The following WDR7 variants were observed in gnomAD, a reference collection of about 807,000 sequenced individuals.
The protein encoded by WDR7 is WD repeat-containing protein 7.
Under a neutral mutation model 169.4 loss-of-function variants are expected in WDR7, and 46 were observed. The observed-to-expected ratio is 0.27, with a 90% CI of 0.21 to 0.35. The LOEUF (loss-of-function observed/expected upper bound fraction) is 0.35. Among genes scored for constraint, WDR7 ranks in the 10% least tolerant of loss-of-function variants. WDR7 has a pLI of 1.00. For synonymous variants in WDR7, 612 were observed against 666.8 expected (o/e 0.92, Z 1.27); for missense variants, 1,534 against 1,859.3 (o/e 0.83, Z 3.22).
chr18:56,938,827 G>GTA, intron 24 of WDR7, 145 bp downstream of exon 24: 3 of 910,494 alleles, frequency 3.3e-6, no homozygotes, highest in Non-Finnish European at 4.8e-6. Flanking sequence ...GTGTGTGTGT[G>GTA]TGTGTGTGTG....
intron 14 of WDR7, among the ~76,000 whole-genome samples, chr18:56,756,089 G>C (rs1255200921): frequency 1.3e-5 from 2 of 152,142 alleles, no homozygotes; most frequent in African/African-American, 2.4e-5. Flanking sequence ...GATCTAAGTA[G>C]ACTGTAATAT....
At chr18:56,837,876 T>G (rs983563288) in intron 20 of WDR7, among the ~76,000 whole-genome samples, 2 of 152,174 alleles carry the variant, frequency 1.3e-5, no homozygotes, top group Non-Finnish European at 2.9e-5. Flanking sequence ...GCCAGGCTGG[T>G]CTTGAACTTC....
intron 21 of WDR7, among the ~76,000 whole-genome samples, chr18:56,915,795 G>A (rs891826545): frequency 2.6e-5 from 4 of 152,146 alleles, no homozygotes; most frequent in South Asian, 2.1e-4. Context: ...GGTTTGACTC[G>A]TTTTAATTTC....
intron 22 of WDR7, among the ~76,000 whole-genome samples, chr18:56,934,117 A>G (rs933458228): frequency 1.3e-5 from 2 of 152,158 alleles, no homozygotes; most frequent in African/African-American, 4.8e-5. Context: ...CTATTCATCC[A>G]CATTGATGGA....
intron 20 of WDR7, among the ~76,000 whole-genome samples, chr18:56,874,411 T>C (rs2045995366): frequency 6.6e-6 from 1 of 152,152 alleles, no homozygotes; most frequent in Admixed American, 6.5e-5. Context: ...ATTTCCTCTC[T>C]GTCTTTAAAA....
At chr18:56,896,873 G>C (rs879787676) in intron 21 of WDR7, among the ~76,000 whole-genome samples, 1 of 151,656 alleles carries the variant, frequency 6.6e-6, no homozygotes, top group Admixed American at 6.6e-5. Context: ...ATACTTGAAA[G>C]AAAGTGAAAA....
chr18:56,873,841 G>C (rs2045985598), intron 20 of WDR7: 1 of 152,184 alleles, frequency 6.6e-6, no homozygotes, highest in South Asian at 2.1e-4. Flanking sequence ...GTCACACCAG[G>C]CTCTCTGTCT....
intron 20 of WDR7, among the ~76,000 whole-genome samples, chr18:56,829,131 A>G (rs1166408068): frequency 6.6e-6 from 1 of 151,678 alleles, no homozygotes; most frequent in Non-Finnish European, 1.5e-5. Context: ...AAAAAAAAAA[A>G]AAAAAAATTT....
chr18:56,927,891 C>T (rs76863621), intron 22 of WDR7, among the ~76,000 whole-genome samples: 5,671 of 152,174 alleles, frequency 0.037, 137 homozygotes, highest in Non-Finnish European at 0.053. Flanking sequence ...CCAAAATAAC[C>T]ATGATGCAAA....
intron 16 of WDR7, among the ~76,000 whole-genome samples, chr18:56,760,959 A>T (rs1012449663): frequency 2.0e-5 from 3 of 152,132 alleles, no homozygotes; most frequent in Non-Finnish European, 4.4e-5. Flanking sequence ...TTCCTTTACT[A>T]CTGTTTAAAC....
intron 25 of WDR7, among the ~76,000 whole-genome samples, chr18:56,946,518 G>T (rs981578431): frequency 5.3e-5 from 8 of 152,134 alleles, no homozygotes; most frequent in Admixed American, 1.3e-4. Flanking sequence ...TTTGCCTTGG[G>T]CATTAAGCAG....
At chr18:56,797,582 G>A (rs1427927470) in intron 19 of WDR7, among the ~76,000 whole-genome samples, 1 of 151,908 alleles carries the variant, frequency 6.6e-6, no homozygotes, top group South Asian at 2.1e-4. Flanking sequence ...GGAAGAAGCA[G>A]TTAATTTTGA....
intron 14 of WDR7, among the ~76,000 whole-genome samples, chr18:56,737,111 T>C (rs962389530): frequency 2.0e-5 from 3 of 152,210 alleles, no homozygotes; most frequent in African/African-American, 4.8e-5. Flanking sequence ...TTTCTCTTTT[T>C]TCTTTTTTTA....
At chr18:56,725,387 A>G (rs2026424522) in intron 13 of WDR7, among the ~76,000 whole-genome samples, 2 of 151,644 alleles carry the variant, frequency 1.3e-5, no homozygotes, top group Admixed American at 1.3e-4. Flanking sequence ...TTTGATTTGC[A>G]TTTCTCTGAT....
At chr18:56,862,112 T>G (rs144383073) in intron 20 of WDR7, among the ~76,000 whole-genome samples, 150 of 152,110 alleles carry the variant, frequency 9.9e-4, no homozygotes, top group African/African-American at 3.5e-3. Context: ...TAAATATAAA[T>G]TAACGAAGAA....
intron 20 of WDR7, among the ~76,000 whole-genome samples, chr18:56,873,151 G>A (rs1195364950): frequency 6.6e-6 from 1 of 152,086 alleles, no homozygotes; most frequent in African/African-American, 2.4e-5. Flanking sequence ...TTAATGAAGG[G>A]CTATCATCTT....
intron 20 of WDR7, among the ~76,000 whole-genome samples, chr18:56,864,372 T>C (rs938783707): frequency 6.6e-6 from 1 of 151,678 alleles, no homozygotes; most frequent in African/African-American, 2.4e-5. Flanking sequence ...AAAGTGATGT[T>C]ATAAAACTGT....
intron 7 of WDR7, among the ~76,000 whole-genome samples, 168 bp from the exon 8 acceptor site, chr18:56,691,048 A>G (rs758695336): frequency 2.0e-5 from 3 of 152,106 alleles, no homozygotes; most frequent in Admixed American, 6.6e-5. Context: ...TGTCTTCCCT[A>G]TTGAAGGTGA....
intron 20 of WDR7, among the ~76,000 whole-genome samples, chr18:56,829,846 T>C (rs563876757): frequency 9.2e-5 from 14 of 152,196 alleles, no homozygotes; most frequent in Non-Finnish European, 1.6e-4. Flanking sequence ...GTGTATGTGA[T>C]GTATGCAAGT....
Sources: gnomAD v4.1 joint callset for allele counts (sites outside exome capture counted in the v4.1 genomes callset) on GRCh38, gnomAD v4.1.1 for gene constraint, MANE v1.5 for transcripts, NCBI Gene and HGNC (gene_info 2026-07-23, HGNC 2026-07-21) for gene names.